The following YKT6 variants were observed in gnomAD, a reference collection of about 807,000 sequenced individuals.
The protein encoded by YKT6 is YKT6 vesicular SNARE protein, also known as synaptobrevin homolog YKT6.
Under a neutral mutation model 29.3 loss-of-function variants are expected in YKT6, and 12 were observed. The observed-to-expected ratio is 0.41, with a 90% CI of 0.26 to 0.66. The LOEUF (loss-of-function observed/expected upper bound fraction) is 0.66, where lower values mean the gene tolerates loss of function less well. Among genes scored for constraint, YKT6 ranks in the 30% least tolerant of loss-of-function variants. The probability of loss-of-function intolerance (pLI) is 0.32; values close to 1 mark genes in which losing one functional copy is unlikely to be tolerated. For synonymous variants in YKT6, 86 were observed against 94.3 expected, an observed-to-expected ratio of 0.91 and a Z score of 0.51; for missense variants, 188 against 243.8, an observed-to-expected ratio of 0.77 and a Z score of 1.52.
In YKT6 at chr7:44,211,331, G is replaced by A. The variant is rs114654264; in HGVS notation, c.561+207G>A. On this transcript the variant is annotated intron_variant, in intron 6 of 6. Coordinates refer to ENST00000223369, the MANE Select transcript of YKT6 (RefSeq NM_006555.4). ...ACTTGGGCGCCGTTGGAGTCGATGC[G>A]GGCCGAGGCCTTGTTCCACTCCTGC... is the stretch of plus-strand genomic sequence containing the variant. Among the ~76,000 whole-genome samples the A allele has an allele frequency of 2.7e-3, 407 of 152,322 alleles. 2 individuals are homozygous for A. The highest frequency in any genetic ancestry group is 9.2e-3 in the African/African-American group (382 of 41,570).
chr7:44,210,858 T>G (rs1277100477), intron 5 of YKT6, 165 bp from the exon 6 acceptor site: 2 of 693,200 alleles, frequency 2.9e-6, no homozygotes, highest in Non-Finnish European at 5.2e-6. Flanking sequence ...TTCCATCCAC[T>G]TGGACAGTAA....
chr7:44,210,697 CACAAAT>C, intron 5 of YKT6: 2 of 394,178 alleles, frequency 5.1e-6, no homozygotes, highest in South Asian at 3.8e-5. Context: ...CACACACACA[CACAAAT>C]GTATATATAA....
intron 1 of YKT6, among the ~76,000 whole-genome samples, chr7:44,203,187 G>C (rs548907640): frequency 6.6e-6 from 1 of 152,166 alleles, no homozygotes; most frequent in Non-Finnish European, 1.5e-5. Context: ...TCCGCCTCCT[G>C]GGTTCAAGTG....
At position 44,212,447 on chromosome 7, in the gene YKT6, A is replaced by ATG; in HGVS notation, c.*167_*168dup. 3.5e-6 allele frequency: 3 copies of ATG among 851,936 alleles called. No homozygotes were observed. The highest frequency in any genetic ancestry group is 5.5e-6 in the Non-Finnish European group (3 of 548,578). The allele number at this position is 851,936 out of a possible 1,614,324, so 52.8% of individuals were successfully genotyped here. Reference sequence around the variant, plus strand: ...GAAATGGATGGTGGAAGGGTGGCGAATGTTCAAATTCATATGTGTGGTAGT... The same window carrying ATG: ...GAAATGGATGGTGGAAGGGTGGCGAATGTGTTCAAATTCATATGTGTGGTAGT... On this transcript the variant is annotated 3_prime_UTR_variant, in exon 7 of 7. Coordinates refer to ENST00000223369, the MANE Select transcript of YKT6 (RefSeq NM_006555.4).
intron 6 of YKT6, 145 bp downstream of exon 6, chr7:44,211,269 G>A: frequency 2.4e-6 from 2 of 836,296 alleles, no homozygotes; most frequent in South Asian, 1.8e-5. Flanking sequence ...AAGAGCCTAA[G>A]GTGAGCGCCT....
At chr7:44,204,739 G>A in intron 2 of YKT6, 89 bp downstream of exon 2, 9 of 1,240,200 alleles carry the variant, frequency 7.3e-6, no homozygotes, top group Non-Finnish European at 9.4e-6. Context: ...TTTCTACTGG[G>A]ACCCTACTCC....
At chr7:44,211,692 A>ATTTGCTTTCATGTG in intron 6 of YKT6, 1 of 892,752 alleles carries the variant, frequency 1.1e-6, no homozygotes, top group Non-Finnish European at 1.4e-6. Context: ...GTCTGTCCAC[A>ATTTGCTTTCATGTG]CACATTTGCT....
At chr7:44,205,797 C>T (rs2128839155) in intron 2 of YKT6, among the ~76,000 whole-genome samples, 1 of 152,320 alleles carries the variant, frequency 6.6e-6, no homozygotes, top group Non-Finnish European at 1.5e-5. Context: ...TAGCACAGTG[C>T]TCTGGAGGCC....
At chr7:44,207,719 G>A (rs188399483) in intron 4 of YKT6, among the ~76,000 whole-genome samples, 2 of 145,598 alleles carry the variant, frequency 1.4e-5, no homozygotes, top group Admixed American at 6.9e-5. Context: ...CAGGCTGTGG[G>A]TTTTTTTTTT....
intron 5 of YKT6, among the ~76,000 whole-genome samples, chr7:44,209,323 CTG>C (rs925268204): frequency 6.6e-6 from 1 of 152,182 alleles, no homozygotes; most frequent in African/African-American, 2.4e-5. Context: ...GGTGTGCTGA[CTG>C]CACTCCAAAT....
At chr7:44,212,139 C>G (rs1264628894) in intron 6 of YKT6, 108 bp from the exon 7 acceptor site, 2 of 1,357,618 alleles carry the variant, frequency 1.5e-6, no homozygotes, top group Non-Finnish European at 2.1e-6. Flanking sequence ...GTGCTAGTTT[C>G]TCTGCCTGGC....
chr7:44,208,341 C>A, intron 5 of YKT6, 143 bp downstream of exon 5: 1 of 816,006 alleles, frequency 1.2e-6, no homozygotes, highest in Admixed American at 2.2e-5. Flanking sequence ...ACCCCTTCCC[C>A]CACCCCGGGC....
chr7:44,211,210 C>T (rs1258934181), intron 6 of YKT6, 86 bp downstream of exon 6: 6 of 1,209,086 alleles, frequency 5.0e-6, no homozygotes, highest in Admixed American at 4.0e-5. Context: ...CCACTATGAA[C>T]GGGTCTTTCT....
At chr7:44,207,912 G>A (rs1162671855) in intron 4 of YKT6, among the ~76,000 whole-genome samples, 3 of 152,012 alleles carry the variant, frequency 2.0e-5, no homozygotes, top group African/African-American at 7.2e-5. Flanking sequence ...TTTTAGTAGA[G>A]ACGGTTTCAC....
At chr7:44,204,719 A>G in intron 2 of YKT6, 69 bp downstream of exon 2, 1 of 1,489,362 alleles carries the variant, frequency 6.7e-7, no homozygotes, top group Non-Finnish European at 9.3e-7. Flanking sequence ...CATAGCACCC[A>G]GCTTTCTCCT....
At chr7:44,211,470 C>T in intron 6 of YKT6, 1 of 895,634 alleles carries the variant, frequency 1.1e-6, no homozygotes, top group Non-Finnish European at 1.4e-6. Context: ...ATTCCTCTTT[C>T]TGCTGAGTAG....
At chr7:44,210,297 G>C (rs2096345268) in intron 5 of YKT6, among the ~76,000 whole-genome samples, 3 of 152,140 alleles carry the variant, frequency 2.0e-5, no homozygotes, top group Admixed American at 2.0e-4. Context: ...GGTGTCTTTT[G>C]GGGCTCTGAG....
chr7:44,208,001 G>T, intron 4 of YKT6, 132 bp from the exon 5 acceptor site: 1 of 887,256 alleles, frequency 1.1e-6, no homozygotes, highest in Non-Finnish European at 1.8e-6. Context: ...TGGGATTACA[G>T]GCGTGAGCCA....
intron 1 of YKT6, among the ~76,000 whole-genome samples, chr7:44,201,906 T>C (rs981791545): frequency 6.6e-6 from 1 of 152,220 alleles, no homozygotes; most frequent in Non-Finnish European, 1.5e-5. Context: ...AGTTGGACAC[T>C]AGTGGTACAA....
Sources: allele counts gnomAD v4.1 joint callset (sites outside exome capture counted in the v4.1 genomes callset), GRCh38; gene constraint gnomAD v4.1.1; transcripts MANE v1.5; gene names NCBI Gene and HGNC (gene_info 2026-07-23, HGNC 2026-07-21).